The following TAF3 variants were observed in gnomAD, a reference collection of about 807,000 sequenced individuals.
TAF3 encodes transcription initiation factor TFIID subunit 3.
A neutral mutation model predicts 80.6 loss-of-function variants in TAF3; 7 were observed. That is an observed-to-expected ratio of 0.09 (90% CI 0.05 to 0.16). The LOEUF (loss-of-function observed/expected upper bound fraction) is 0.16. TAF3 is among the 10% of genes least tolerant of loss of function. The pLI is 1.00. For missense variants in TAF3, 921 were observed against 1,140.2 expected (o/e 0.81, Z 2.77); for synonymous variants, 444 against 446.1 (o/e 1.00, Z 0.06).
intron 2 of TAF3, among the ~76,000 whole-genome samples, chr10:7,868,433 G>A (rs528847060): frequency 6.6e-6 from 1 of 152,106 alleles, no homozygotes; most frequent in South Asian, 2.1e-4. Context: ...TGGAGGCAGT[G>A]TGACATAGCA....
intron 2 of TAF3, among the ~76,000 whole-genome samples, chr10:7,861,527 C>T (rs139695610): frequency 3.3e-5 from 5 of 152,002 alleles, no homozygotes; most frequent in South Asian, 2.1e-4. Flanking sequence ...ATGACTGAGA[C>T]GTGAAATCAG....
At position 8,009,514 on chromosome 10, in the gene TAF3, C is replaced by G. The variant is rs1177514903; in HGVS notation, c.2568+184C>G. Among the ~76,000 whole-genome samples the G allele has an allele frequency of 6.6e-6, 1 of 152,176 alleles. No homozygotes were observed. The highest frequency in any genetic ancestry group is 1.9e-4 in the East Asian group (1 of 5,194). ...GGAGTACAGTGGCCCAATCATAGCT[C>G]ACTGCAACCTCAAACTCCTGGGCCC... On this transcript the variant is annotated intron_variant, in intron 5 of 6. Coordinates refer to ENST00000344293, the MANE Select transcript of TAF3 (RefSeq NM_031923.4). The surrounding 1 kb of genome is among the most constrained non-coding windows in gnomAD (Gnocchi z 4.1).
chr10:7,896,677 T>C (rs1837507531), intron 2 of TAF3, among the ~76,000 whole-genome samples: 1 of 152,180 alleles, frequency 6.6e-6, no homozygotes, highest in Non-Finnish European at 1.5e-5. Context: ...GAGGAACATA[T>C]ATAATAGCAA....
chr10:7,835,173 G>A (rs570735508), intron 2 of TAF3, among the ~76,000 whole-genome samples: 3 of 152,190 alleles, frequency 2.0e-5, no homozygotes, highest in Admixed American at 2.0e-4. Flanking sequence ...GATTGTCTTT[G>A]GCCACACATA....
In TAF3 at chr10:7,918,195, G is replaced by C. The variant is rs924999720; in HGVS notation, c.410-45725G>C. ...ATGCGTAAAACAAGAAACAGTTAAG[G>C]ACTGGGAGTGGGGAAAGGAGAAGGG... is the stretch of plus-strand genomic sequence containing the variant. On this transcript the variant is annotated intron_variant, in intron 2 of 6. Coordinates refer to ENST00000344293, the MANE Select transcript of TAF3 (RefSeq NM_031923.4). Among the ~76,000 whole-genome samples, 6 of 152,298 alleles carry C rather than the reference G, an allele frequency of 3.9e-5. No individual in the cohort carries two copies. In the South Asian group the frequency reaches 1.2e-3, roughly 32 times the overall value.
rs1198519034 is a variant in TAF3 at position 8,009,892 on chromosome 10, T to C, written c.2568+562T>C. 1.3e-5 allele frequency among the ~76,000 whole-genome samples: 2 copies of C among 151,978 alleles called. No individual in the cohort carries two copies. Among genetic ancestry groups the C allele is most frequent in the African/African-American group, 2.4e-5 (1 of 41,356 alleles). ...CGCCTCGGCCTCCCAAAGTGTGGGA[T>C]TACAGGCATGAGCCACCGTGCCCGG... On this transcript the variant is annotated intron_variant, in intron 5 of 6. Coordinates refer to ENST00000344293, the MANE Select transcript of TAF3 (RefSeq NM_031923.4). This position sits in a 1 kb window ranked among gnomAD's most constrained non-coding sequence, Gnocchi z 4.1.
At chr10:7,879,356 T>A (rs1837339065) in intron 2 of TAF3, among the ~76,000 whole-genome samples, 1 of 152,176 alleles carries the variant, frequency 6.6e-6, no homozygotes, top group Non-Finnish European at 1.5e-5. Flanking sequence ...TGGTTTCAGT[T>A]GGTAACATAC....
intron 2 of TAF3, among the ~76,000 whole-genome samples, chr10:7,920,182 G>A (rs2131187792): frequency 6.6e-6 from 1 of 152,222 alleles, no homozygotes; most frequent in African/African-American, 2.4e-5. Flanking sequence ...GAGTGCAGGT[G>A]ATCGAGGCTG....
intron 5 of TAF3, among the ~76,000 whole-genome samples, chr10:8,011,608 G>A (rs902044519): frequency 1.9e-4 from 29 of 152,162 alleles, no homozygotes; most frequent in African/African-American, 7.0e-4. Flanking sequence ...AGTTTTGGAA[G>A]GAACTTCTAA....
intron 4 of TAF3, among the ~76,000 whole-genome samples, chr10:7,987,316 C>CA (rs199887987): frequency 0.031 from 4,674 of 149,760 alleles, 104 homozygotes; most frequent in African/African-American, 0.056. Context: ...GAACCTGTCT[C>CA]AAAAAAAAAT....
At chr10:7,961,770 C>G (rs1331373553) in intron 2 of TAF3, among the ~76,000 whole-genome samples, 1 of 152,162 alleles carries the variant, frequency 6.6e-6, no homozygotes, top group Non-Finnish European at 1.5e-5. Flanking sequence ...AGCTAATAAT[C>G]ATTGTCCTTT....
intron 2 of TAF3, among the ~76,000 whole-genome samples, chr10:7,853,141 G>T (rs1231864621): frequency 6.6e-6 from 1 of 152,124 alleles, no homozygotes; most frequent in Non-Finnish European, 1.5e-5. Flanking sequence ...TTATAGGCTG[G>T]TTGTTAAACA....
intron 2 of TAF3, among the ~76,000 whole-genome samples, chr10:7,959,167 A>C (rs1052500271): frequency 1.3e-4 from 19 of 149,238 alleles, no homozygotes; most frequent in Non-Finnish European, 1.6e-4. Context: ...CACACACAAA[A>C]AAAGTTTCAG....
chr10:8,010,390 G>T (rs1392932140), intron 5 of TAF3, among the ~76,000 whole-genome samples: 2 of 152,182 alleles, frequency 1.3e-5, no homozygotes, highest in Non-Finnish European at 2.9e-5. Flanking sequence ...GACGCATGGT[G>T]GTACTGAAAT....
In TAF3 at chr10:7,964,783, A is replaced by C. The variant is rs559198841; in HGVS notation, c.1273A>C (p.Arg425=). The C allele has an allele frequency of 6.2e-7, 1 of 1,614,132 alleles. No individual in the cohort carries two copies. The highest frequency in any genetic ancestry group is 1.1e-5 in the South Asian group (1 of 91,070). ...AGGAGACATTTTTACTAGCCCTAAG[A>C]GAATTTCAGGCCCGGAGTGTACTAC... ...SEGDIFTSPK[R]ISGPECTTPK... The change falls in exon 3 of 7, where the codon AGA becomes CGA. Residue 425 remains arginine, a synonymous_variant. Coordinates refer to ENST00000344293, the MANE Select transcript of TAF3 (RefSeq NM_031923.4). This position sits in a 1 kb window ranked among gnomAD's most constrained non-coding sequence, Gnocchi z 4.1.
intron 1 of TAF3, among the ~76,000 whole-genome samples, chr10:7,819,130 C>G (rs1240341735): frequency 6.6e-6 from 1 of 152,140 alleles, no homozygotes; most frequent in East Asian, 1.9e-4. Context: ...TCCACACCCT[C>G]CTACCGCTCC....
intron 2 of TAF3, among the ~76,000 whole-genome samples, chr10:7,889,945 C>T (rs989288483): frequency 6.6e-6 from 1 of 152,180 alleles, no homozygotes; most frequent in Non-Finnish European, 1.5e-5. Flanking sequence ...TGTCGTTTTC[C>T]TCCCTCCTCT....
chr10:7,997,995 T>C, intron 4 of TAF3, among the ~76,000 whole-genome samples: 1 of 152,056 alleles, frequency 6.6e-6, no homozygotes, highest in Non-Finnish European at 1.5e-5. Flanking sequence ...TTGTTTAAAA[T>C]TAAAAGGATT....
intron 4 of TAF3, among the ~76,000 whole-genome samples, chr10:7,983,204 C>T (rs1258251193): frequency 2.6e-5 from 4 of 152,202 alleles, no homozygotes; most frequent in Non-Finnish European, 5.9e-5. Context: ...GCTTCCCGGG[C>T]CTCCGTTATC....
Sources: gnomAD v4.1 joint callset for allele counts (sites outside exome capture counted in the v4.1 genomes callset) on GRCh38, gnomAD v4.1.1 for gene constraint, Gnocchi (gnomAD v3.1) non-coding constraint, MANE v1.5 for transcripts, NCBI Gene and HGNC (gene_info 2026-07-23, HGNC 2026-07-21) for gene names.